The following MAPT variants were observed in gnomAD, a reference collection of about 807,000 sequenced individuals.
MAPT encodes microtubule-associated protein tau.
In MAPT, 34 loss-of-function variants were observed where a neutral mutation model predicts 67.9. That is an observed-to-expected ratio of 0.50 (90% CI 0.38 to 0.67). MAPT has a LOEUF of 0.67. MAPT is among the 30% of genes least tolerant of loss of function. The pLI, the probability that MAPT is intolerant of heterozygous loss-of-function variation, is 0.00. For missense variants in MAPT, 881 were observed against 1,115.2 expected, an observed-to-expected ratio of 0.79 and a Z score of 2.99; for synonymous variants, 456 against 464.5, an observed-to-expected ratio of 0.98 and a Z score of 0.23.
intron 3 of MAPT, chr17:45,977,495 CTT>C (rs2072492708): frequency 6.6e-6 from 1 of 152,226 alleles, no homozygotes. Context: ...GCCTTATAAA[CTT>C]TTTTTCTGGA....
At position 45,996,549 on chromosome 17, in the gene MAPT, C is replaced by T. The variant is rs1216789506; in HGVS notation, c.1883C>T (p.Pro628Leu). 14 of 1,613,606 alleles carry T rather than the reference C, an allele frequency of 8.7e-6. No homozygotes were observed. The highest frequency in any genetic ancestry group is 1.1e-5 in the South Asian group (1 of 91,020). The change falls in exon 9 of 13, where the codon CCG becomes CTG. Residue 628 changes from proline to leucine, a missense_variant. Coordinates refer to ENST00000262410, the MANE Select transcript of MAPT (RefSeq NM_001377265.1). This position sits in a 1 kb window ranked among gnomAD's most constrained non-coding sequence, Gnocchi z 4.5. ...VAVVRTPPKS[P>L]SSAKSRLQTA... ...GTGGTCCGTACTCCACCCAAGTCGC[C>T]GTCTTCCGCCAAGAGCCGCCTGCAG...
intron 9 of MAPT, among the ~76,000 whole-genome samples, chr17:46,000,275 T>C (rs1378481825): frequency 6.6e-6 from 1 of 152,220 alleles, no homozygotes; most frequent in African/African-American, 2.4e-5. Flanking sequence ...TGTTTTCCCC[T>C]TTGTGCTTTT....
chr17:45,926,142 T>G (rs2066266210), intron 1 of MAPT, among the ~76,000 whole-genome samples: 1 of 151,224 alleles, frequency 6.6e-6, no homozygotes, highest in South Asian at 2.1e-4. Flanking sequence ...ACCCAGGAGG[T>G]GGAGGTTGCA....
At chr17:46,015,866 A>T (rs1426361731) in intron 11 of MAPT, among the ~76,000 whole-genome samples, 6 of 152,122 alleles carry the variant, frequency 3.9e-5, no homozygotes, top group South Asian at 2.1e-4. Context: ...CACAAAAATT[A>T]AAAAAATATA....
intron 4 of MAPT, chr17:45,979,665 A>G (rs1261932118): frequency 6.6e-6 from 1 of 152,204 alleles, no homozygotes; most frequent in African/African-American, 2.4e-5. Flanking sequence ...TTAACTAGGA[A>G]CCTGGCTCCT....
At chr17:45,947,907 G>A (rs62062791) in intron 1 of MAPT, among the ~76,000 whole-genome samples, 21,812 of 152,044 alleles carry the variant, frequency 0.14, 2,137 homozygotes, top group Non-Finnish European at 0.22. Context: ...AAAATAGCAT[G>A]GAATAAGCGA....
chr17:45,902,256 G>A (rs113834264), intron 1 of MAPT, among the ~76,000 whole-genome samples: 21,825 of 152,068 alleles, frequency 0.14, 2,139 homozygotes, highest in Middle Eastern at 0.22. Flanking sequence ...ATTTTTGTAG[G>A]GATGGGGTAT....
chr17:46,024,301 A>G lies in MAPT; in HGVS notation c.*130A>G, dbSNP rs1421417916. On this transcript the variant is annotated 3_prime_UTR_variant, in exon 13 of 13. Transcript: ENST00000262410. Reference sequence around the variant, plus strand: ...TCGCAGTTCGGTTAATTGGTTAATCACTTAACCTGCTTTTGTCACTCGGCT... The same window carrying G: ...TCGCAGTTCGGTTAATTGGTTAATCGCTTAACCTGCTTTTGTCACTCGGCT... The G allele has an allele frequency of 2.4e-6, 2 of 831,070 alleles. No homozygotes were observed. The highest frequency in any genetic ancestry group is 3.4e-5 in the African/African-American group (2 of 59,606). 51.5% of individuals were successfully genotyped at this position (831,070 alleles called of 1,614,324 possible). A position where few individuals can be genotyped will look rare whatever the true frequency, so the allele number is the denominator to read the frequency against.
chr17:46,005,570 C>T (rs1392842554), intron 9 of MAPT, among the ~76,000 whole-genome samples: 3 of 152,146 alleles, frequency 2.0e-5, no homozygotes, highest in Admixed American at 6.6e-5. Flanking sequence ...CATAGCAAGA[C>T]TCTATCTCCA....
chr17:45,989,169 C>CAA lies in MAPT; in HGVS notation c.1408-709_1408-708insAA, dbSNP rs2073854308. Among the ~76,000 whole-genome samples, 13 of 152,192 alleles carry CAA rather than the reference C, an allele frequency of 8.5e-5. No individual in the cohort carries two copies. The South Asian group carries it at 2.5e-3, about 29-fold the overall frequency. On this transcript the variant is annotated intron_variant, in intron 6 of 12. Coordinates refer to ENST00000262410, the MANE Select transcript of MAPT (RefSeq NM_001377265.1). ...GTAGAAAGTAAGGCCCTTCAGACCC[C>CAA]GTGACACACTTGGGGACATTTTCTT...
In MAPT at chr17:45,896,199, C is replaced by G. The variant is rs558339960; in HGVS notation, c.-18+1513C>G. On this transcript the variant is annotated intron_variant, in intron 1 of 12. Transcript: ENST00000262410. The surrounding 1 kb of genome is among the most constrained non-coding windows in gnomAD (Gnocchi z 5.6). ...GAACGGGCGTGACCGCGCGCAGCCT[C>G]GTCTCGGAGTCTGCCGGCGCCGGGA... 2.0e-5 allele frequency: 3 copies of G among 152,158 alleles called. No individual in the cohort carries two copies. The highest frequency in any genetic ancestry group is 4.8e-5 in the African/African-American group (2 of 41,432). 9.4% of individuals were successfully genotyped at this position (152,158 alleles called of 1,614,324 possible). A position where few individuals can be genotyped will look rare whatever the true frequency, so the allele number is the denominator to read the frequency against.
chr17:45,958,913 ATTCGCC>A (rs2070056943), intron 1 of MAPT, among the ~76,000 whole-genome samples: 2 of 151,812 alleles, frequency 1.3e-5, no homozygotes, highest in Non-Finnish European at 2.9e-5. Context: ...AAATACAAAA[ATTCGCC>A]AAGCGTGGTG....
chr17:45,978,776 G>T, intron 4 of MAPT: 1 of 241,858 alleles, frequency 4.1e-6, no homozygotes, highest in Non-Finnish European at 8.1e-6. Flanking sequence ...AGACCCAGGT[G>T]GGCAGATCAC....
At chr17:45,978,786 C>T (rs554862985) in intron 4 of MAPT, 1 of 221,824 alleles carries the variant, frequency 4.5e-6, no homozygotes, top group Admixed American at 5.2e-5. Context: ...GGGCAGATCA[C>T]CTGAGGTCAG....
At chr17:45,925,490 C>T (rs1016818449) in intron 1 of MAPT, among the ~76,000 whole-genome samples, 9 of 152,210 alleles carry the variant, frequency 5.9e-5, no homozygotes, top group Admixed American at 3.9e-4. Flanking sequence ...TACTCTTTGA[C>T]CCAGAATTTC....
intron 8 of MAPT, among the ~76,000 whole-genome samples, chr17:45,992,178 G>A (rs1449788888): frequency 6.6e-6 from 1 of 152,046 alleles, no homozygotes; most frequent in Non-Finnish European, 1.5e-5. Context: ...GAAAGAAATC[G>A]AGCCTCTGAG....
intron 1 of MAPT, among the ~76,000 whole-genome samples, chr17:45,925,039 G>A (rs1468040279): frequency 6.6e-6 from 1 of 152,170 alleles, no homozygotes; most frequent in Non-Finnish European, 1.5e-5. Flanking sequence ...GGTAAATTTA[G>A]TTCTGACTTC....
intron 1 of MAPT, among the ~76,000 whole-genome samples, chr17:45,941,623 CCTCCTTCCCTCT>C (rs2067885622): frequency 3.1e-5 from 4 of 130,694 alleles, no homozygotes; most frequent in African/African-American, 5.9e-5. Flanking sequence ...TCCCCCCTTC[CCTCCTTCCCTCT>C]TTCCCTCCTT....
rs1429412356 is a variant in MAPT, at chr17:46,023,989, G to A, written c.2320G>A (p.Ala774Thr). 4 of 1,614,000 alleles carry A rather than the reference G, an allele frequency of 2.5e-6. No homozygotes were observed. The highest frequency in any genetic ancestry group is 2.7e-5 in the African/African-American group (2 of 74,918). Residue 774 changes from alanine to threonine, a missense_variant, in exon 13 of 13, where the codon GCC (alanine) becomes ACC (threonine). This residue lies in a region of MAPT where 79 missense variants were observed against 150.9 expected (regional missense o/e 0.52). Coordinates refer to ENST00000262410, the MANE Select transcript of MAPT (RefSeq NM_001377265.1). ...ETHKLTFREN[A>T]KAKTDHGAEI... ...CCACAAGCTGACCTTCCGCGAGAAC[G>A]CCAAAGCCAAGACAGACCACGGGGC...
Sources: allele counts gnomAD v4.1 joint callset (sites outside exome capture counted in the v4.1 genomes callset), GRCh38; gene constraint gnomAD v4.1.1; regional missense constraint gnomAD v4.1.1; non-coding constraint Gnocchi (gnomAD v3.1); transcripts MANE v1.5; gene names NCBI Gene and HGNC (gene_info 2026-07-23, HGNC 2026-07-21).